PID1: variants seen among roughly 807,000 people sequenced by gnomAD.
The protein encoded by PID1 is PTB-containing, cubilin and LRP1-interacting protein.
PID1 carries 10 observed loss-of-function variants against 19.1 expected under a neutral mutation model. That is an observed-to-expected ratio of 0.52 (90% CI 0.32 to 0.89). The LOEUF is 0.89. Among genes scored for constraint, PID1 ranks in the 40% least tolerant of loss-of-function variants. The probability of loss-of-function intolerance (pLI) is 0.03; values close to 1 mark genes in which losing one functional copy is unlikely to be tolerated. For missense variants in PID1, 248 were observed against 285.3 expected, an observed-to-expected ratio of 0.87 and a Z score of 0.94; for synonymous variants, 130 against 116.0, an observed-to-expected ratio of 1.12 and a Z score of -0.78.
intron 2 of PID1, among the ~76,000 whole-genome samples, chr2:229,076,957 T>G (rs1402459960): frequency 6.6e-6 from 1 of 152,234 alleles, no homozygotes; most frequent in Non-Finnish European, 1.5e-5. Flanking sequence ...TCTAGATTCT[T>G]GAGGAATCAC....
chr2:229,214,588 ATTAG>A (rs889100170), intron 1 of PID1, among the ~76,000 whole-genome samples: 3 of 152,198 alleles, frequency 2.0e-5, no homozygotes, highest in African/African-American at 4.8e-5. Context: ...GCACTGTTTT[ATTAG>A]TTAGTTTTCT....
intron 2 of PID1, among the ~76,000 whole-genome samples, chr2:229,108,550 A>C (rs1695224918): frequency 6.6e-6 from 1 of 152,226 alleles, no homozygotes; most frequent in South Asian, 2.1e-4. Context: ...CAATTCCTGA[A>C]GGATATGGTG....
At chr2:229,268,090 A>G (rs72981115) in intron 1 of PID1, among the ~76,000 whole-genome samples, 9,156 of 152,282 alleles carry the variant, frequency 0.06, 385 homozygotes, top group Non-Finnish European at 0.088. Context: ...GTGGGATGCA[A>G]TAGAAGTTTT....
At chr2:229,186,119 A>C (rs1691124830) in intron 1 of PID1, among the ~76,000 whole-genome samples, 1 of 152,160 alleles carries the variant, frequency 6.6e-6, no homozygotes, top group Admixed American at 6.5e-5. Flanking sequence ...CAAATCTTAA[A>C]GCTCCAAAAT....
chr2:229,026,306 T>C lies in PID1; in HGVS notation c.178-198A>G, dbSNP rs75844202. ...ATGAGTTGCCTACTTGGCAAATGTA[T>C]TGAAATTATTTGAATAGAGTTGGAT... On this transcript the variant is annotated intron_variant, in intron 2 of 2. Transcript: ENST00000392055. 9.4e-3 allele frequency among the ~76,000 whole-genome samples: 1,438 copies of C among 152,352 alleles called. 34 individuals carry two copies. The highest frequency in any genetic ancestry group is 0.032 in the African/African-American group (1,346 of 41,576).
chr2:229,262,001 AG>A (rs1690472893), intron 1 of PID1, among the ~76,000 whole-genome samples: 1 of 152,156 alleles, frequency 6.6e-6, no homozygotes, highest in Non-Finnish European at 1.5e-5. Flanking sequence ...ACACCAAACC[AG>A]GTACAAATAA....
rs77348167 is a variant in PID1, at chr2:229,210,006, C to T, written c.31-54042G>A. On this transcript the variant is annotated intron_variant, in intron 1 of 2. Coordinates refer to ENST00000392055, the MANE Select transcript of PID1 (RefSeq NM_001100818.2). ...TCACCATAATCACTTTTTTTCAAAC[C>T]ACAAAATATCTCCCAAGAGCAAGGT... is the stretch of plus-strand genomic sequence containing the variant. 1.5e-3 allele frequency among the ~76,000 whole-genome samples: 225 copies of T among 151,890 alleles called. 4 individuals carry two copies. In the East Asian group the frequency reaches 0.042, roughly 28 times the overall value.
rs147272344 is a variant in PID1, at chr2:229,032,455, A to G, written c.178-6347T>C. Among the ~76,000 whole-genome samples the G allele has an allele frequency of 3.3e-4, 51 of 152,342 alleles. No homozygotes were observed. The East Asian group carries it at 9.7e-3, about 29-fold the overall frequency. ...AGAGGTGAATACTTTCTAGAGGAAT[A>G]ATAGGCCCTGTCTTTAAGAGTCGCA... On this transcript the variant is annotated intron_variant, in intron 2 of 2. Transcript: ENST00000392055.
chr2:229,215,619 T>C (rs145350720), intron 1 of PID1, among the ~76,000 whole-genome samples: 196 of 152,258 alleles, frequency 1.3e-3, no homozygotes, highest in African/African-American at 3.8e-3. Flanking sequence ...ACTACCACCA[T>C]GGGGAGTTCC....
intron 2 of PID1, among the ~76,000 whole-genome samples, chr2:229,149,491 G>T (rs17676196): frequency 0.11 from 16,504 of 151,940 alleles, 1,059 homozygotes; most frequent in East Asian, 0.28. Context: ...AGTATTTAAG[G>T]GTTACCTGCA....
At chr2:229,039,488 C>T (rs563909412) in intron 2 of PID1, among the ~76,000 whole-genome samples, 35 of 152,304 alleles carry the variant, frequency 2.3e-4, no homozygotes, top group African/African-American at 8.2e-4. Flanking sequence ...CAGTCTTTAA[C>T]ATATGCTAGA....
chr2:229,153,581 CCTA>C (rs1328817602), intron 2 of PID1, among the ~76,000 whole-genome samples: 1 of 152,000 alleles, frequency 6.6e-6, no homozygotes, highest in Non-Finnish European at 1.5e-5. Flanking sequence ...CTTCTGATTT[CCTA>C]CTATTTTTTT....
rs546308964 is a variant in PID1, at chr2:229,028,634, T to C, written c.178-2526A>G. ...ATGGGCAAAGGCATCCACAGTGGAC[T>C]GAATAAAGAAAATGTGGTACATATA... On this transcript the variant is annotated intron_variant, in intron 2 of 2. Coordinates refer to ENST00000392055, the MANE Select transcript of PID1 (RefSeq NM_001100818.2). 6.6e-5 allele frequency among the ~76,000 whole-genome samples: 10 copies of C among 152,250 alleles called. 1 individual carries two copies. Among genetic ancestry groups the C allele is most frequent in the African/African-American group, 2.4e-4 (10 of 41,558 alleles).
intron 2 of PID1, among the ~76,000 whole-genome samples, chr2:229,113,779 C>G (rs1695351713): frequency 6.6e-6 from 1 of 152,040 alleles, no homozygotes; most frequent in African/African-American, 2.4e-5. Flanking sequence ...ATCAGCTGAA[C>G]AAGAACACGG....
chr2:229,094,241 T>C (rs1358039956), intron 2 of PID1, among the ~76,000 whole-genome samples: 1 of 151,992 alleles, frequency 6.6e-6, no homozygotes. Context: ...ACCAAAGAGA[T>C]AAGAGATCTC....
chr2:229,143,890 T>C (rs1377828263), intron 2 of PID1, among the ~76,000 whole-genome samples: 2 of 152,130 alleles, frequency 1.3e-5, no homozygotes, highest in Non-Finnish European at 2.9e-5. Flanking sequence ...TGTGAGTCAA[T>C]TAAACCCCTT....
chr2:229,115,840 C>G (rs1018823927), intron 2 of PID1, among the ~76,000 whole-genome samples: 1 of 152,076 alleles, frequency 6.6e-6, no homozygotes, highest in Non-Finnish European at 1.5e-5. Context: ...TTCTACTGCC[C>G]CAAAATCCAG....
chr2:229,040,637 A>T (rs143069347), intron 2 of PID1, among the ~76,000 whole-genome samples: 1 of 152,336 alleles, frequency 6.6e-6, no homozygotes, highest in East Asian at 1.9e-4. Flanking sequence ...ACCAAAGTAA[A>T]AATGAGTAAA....
intron 2 of PID1, among the ~76,000 whole-genome samples, chr2:229,119,688 T>C (rs1042157443): frequency 6.6e-6 from 1 of 152,212 alleles, no homozygotes; most frequent in African/African-American, 2.4e-5. Flanking sequence ...ATTTTATGTG[T>C]CAAGTTGACT....
Sources: gnomAD v4.1 joint callset for allele counts (sites outside exome capture counted in the v4.1 genomes callset) on GRCh38, gnomAD v4.1.1 for gene constraint, MANE v1.5 for transcripts, NCBI Gene and HGNC (gene_info 2026-07-23, HGNC 2026-07-21) for gene names.